The following WDR1 variants were observed in gnomAD, a reference collection of about 807,000 sequenced individuals.
WDR1 encodes the protein WD repeat-containing protein 1.
A neutral mutation model predicts 71.9 loss-of-function variants in WDR1; 21 were observed. The observed-to-expected ratio is 0.29, with a 90% CI of 0.21 to 0.42. The LOEUF (loss-of-function observed/expected upper bound fraction) is 0.42. Among genes scored for constraint, WDR1 ranks in the 10% least tolerant of loss-of-function variants. The pLI, the probability that WDR1 is intolerant of heterozygous loss-of-function variation, is 1.00. For missense variants in WDR1, 696 were observed against 824.5 expected (o/e 0.84, Z 1.91); for synonymous variants, 424 against 347.4 (o/e 1.22, Z -2.45).
intron 5 of WDR1, chr4:10,092,734 A>G: frequency 3.8e-6 from 1 of 264,640 alleles, no homozygotes; most frequent in Non-Finnish European, 7.7e-6. Flanking sequence ...GGCTAAAAAT[A>G]GCCCTTTCCA....
At chr4:10,109,813 A>T (rs1466881921) in intron 2 of WDR1, among the ~76,000 whole-genome samples, 1 of 152,236 alleles carries the variant, frequency 6.6e-6, no homozygotes, top group Non-Finnish European at 1.5e-5. Context: ...CCAGAGGTTC[A>T]GCATCCTCAC....
At chr4:10,103,840 C>T (rs1712853611) in intron 3 of WDR1, 56 bp downstream of exon 3, 1 of 1,482,524 alleles carries the variant, frequency 6.7e-7, no homozygotes, top group African/African-American at 1.4e-5. Flanking sequence ...CGCCCTGGGC[C>T]CTGAGCGCCA....
chr4:10,104,050 A>G (rs1024003338), intron 2 of WDR1, 64 bp from the exon 3 acceptor site: 1 of 1,483,860 alleles, frequency 6.7e-7, no homozygotes, highest in African/African-American at 1.4e-5. Flanking sequence ...CCAGCTCTCC[A>G]CATCAACAGA....
At chr4:10,087,584 G>A in intron 8 of WDR1, 123 bp downstream of exon 8, 1 of 921,418 alleles carries the variant, frequency 1.1e-6, no homozygotes, top group Middle Eastern at 3.5e-4. Context: ...CAAGGGCCAA[G>A]GAGGCCTGAG....
Position 10,097,805 on chromosome 4 carries a change from T to C in WDR1, c.464A>G (p.Lys155Arg), listed in dbSNP as rs772249090. 1.9e-6 allele frequency: 3 copies of C among 1,613,726 alleles called. No homozygotes were observed. Among genetic ancestry groups the C allele is most frequent in the Non-Finnish European group, 1.7e-6 (2 of 1,179,850 alleles). The change falls in exon 5 of 15, where the codon AAG becomes AGG. Residue 155 changes from lysine to arginine, a missense_variant. By Grantham distance (26) the Lys-to-Arg change is conservative (BLOSUM62 2). Transcript: ENST00000499869. ...HNKVINSVDI[K>R]QSRPYRLATG... ...GGCCAGCCGGTATGGCCGGCTCTGC[T>C]TGATGTCCACGCTGTTGATGACTTT...
At chr4:10,095,757 AG>A (rs1319833774) in intron 5 of WDR1, among the ~76,000 whole-genome samples, 1 of 152,178 alleles carries the variant, frequency 6.6e-6, no homozygotes, top group East Asian at 1.9e-4. Flanking sequence ...CCTGTGGCTG[AG>A]GGTGCAGCAC....
intron 8 of WDR1, among the ~76,000 whole-genome samples, 169 bp from the exon 9 acceptor site, chr4:10,084,699 G>A (rs780528742): frequency 3.9e-4 from 60 of 152,136 alleles, no homozygotes; most frequent in South Asian, 2.1e-4. Flanking sequence ...CGAATGCACG[G>A]CCCACGAGCC....
intron 2 of WDR1, chr4:10,106,417 G>A (rs1713018602): frequency 6.6e-6 from 1 of 152,328 alleles, no homozygotes; most frequent in South Asian, 2.1e-4. Context: ...ACCCTGTTCG[G>A]TGTACACTCA....
intron 5 of WDR1, 140 bp from the exon 6 acceptor site, chr4:10,088,881 A>T (rs1711778381): frequency 1.4e-6 from 1 of 710,530 alleles, no homozygotes; most frequent in Admixed American, 2.2e-5. Context: ...TTCAGAGCTT[A>T]AAAAAACATC....
chr4:10,085,902 A>G (rs1711520534), intron 8 of WDR1, among the ~76,000 whole-genome samples: 1 of 152,138 alleles, frequency 6.6e-6, no homozygotes, highest in South Asian at 2.1e-4. Context: ...GGTTTTGACA[A>G]CTGGCCCTTG....
intron 6 of WDR1, 22 bp from the exon 7 acceptor site, chr4:10,088,395 T>A: frequency 6.5e-7 from 1 of 1,549,706 alleles, no homozygotes; most frequent in Non-Finnish European, 8.7e-7. Flanking sequence ...TAAAAACATG[T>A]GGGTCATGTG....
Position 10,097,874 on chromosome 4 carries a change from A to G in WDR1, c.395T>C (p.Leu132Pro). The change falls in exon 5 of 15, where the codon CTC (leucine) becomes CCC (proline). Residue 132 changes from leucine to proline, a missense_variant. Leu to Pro is a moderately conservative substitution (Grantham distance 98). Transcript: ENST00000499869. The stretch of plus-strand genomic sequence containing the variant: ...GCCCACAGAAGAGCCACTATCCCAG[A>G]GGAAGACTGCTCCAAACCTTGACCC... ...EGREKFGAVF[L>P]WDSGSSVGEI... 6.2e-7 allele frequency: 1 copy of G among 1,604,710 alleles called. No individual in the cohort carries two copies. Among genetic ancestry groups the G allele is most frequent in the Non-Finnish European group, 8.5e-7 (1 of 1,174,738 alleles).
intron 2 of WDR1, 152 bp downstream of exon 2, chr4:10,115,961 G>A (rs1291655667): frequency 9.6e-7 from 1 of 1,043,164 alleles, no homozygotes; most frequent in Admixed American, 2.9e-5. Flanking sequence ...CCGGCTTCCG[G>A]GGCTCCGAGG....
In WDR1 at chr4:10,112,266, C is replaced by G. The variant is rs192119651; in HGVS notation, c.138+3847G>C. 3.4e-3 allele frequency among the ~76,000 whole-genome samples: 521 copies of G among 152,114 alleles called. 2 individuals carry two copies. The highest frequency in any genetic ancestry group is 0.014 in the Middle Eastern group (4 of 294). ...CAGGGTAAGGAAACTTAGAAGGAAC[C>G]ACCCCAGACCTAAGGAGGTACCAGC... On this transcript the variant is annotated intron_variant, in intron 2 of 14. Transcript: ENST00000499869.
At chr4:10,113,893 G>A (rs1032083010) in intron 2 of WDR1, among the ~76,000 whole-genome samples, 1 of 152,336 alleles carries the variant, frequency 6.6e-6, no homozygotes, top group Non-Finnish European at 1.5e-5. Flanking sequence ...CACAAATTTG[G>A]CTTGGAGTAT....
rs1339737252 is a variant in WDR1 at position 10,075,342 on chromosome 4, C to T, written c.*36G>A. The T allele has an allele frequency of 6.3e-7, 1 of 1,592,334 alleles. No individual in the cohort carries two copies. Among genetic ancestry groups the T allele is most frequent in the Non-Finnish European group, 8.6e-7 (1 of 1,160,952 alleles). ...TTCCGCTGCAGTTAAACTCTAGTCC[C>T]TGATTCGGTCCATCCAGAGGCGGGG... is the stretch of plus-strand genomic sequence containing the variant. On this transcript the variant is annotated 3_prime_UTR_variant, in exon 15 of 15. Transcript: ENST00000499869.
At chr4:10,116,612 C>G (rs892831251) in intron 1 of WDR1, 39 bp downstream of exon 1, 8 of 1,200,194 alleles carry the variant, frequency 6.7e-6, no homozygotes, top group Admixed American at 4.4e-5. Flanking sequence ...GCCGGGGCAG[C>G]GCGGCGGCCG....
intron 5 of WDR1, chr4:10,094,821 G>C (rs562716659): frequency 2.9e-4 from 44 of 152,358 alleles, no homozygotes; most frequent in African/African-American, 1.1e-3. Flanking sequence ...TCAGGACGAG[G>C]GGCACACAGG....
At chr4:10,103,289 G>GACACACACAC (rs5856034) in intron 3 of WDR1, among the ~76,000 whole-genome samples, 1 of 146,914 alleles carries the variant, frequency 6.8e-6, no homozygotes, top group African/African-American at 2.5e-5. Flanking sequence ...CACACACACA[G>GACACACACAC]ACACACACAC....
Sources: gnomAD v4.1 joint callset for allele counts (sites outside exome capture counted in the v4.1 genomes callset) on GRCh38, gnomAD v4.1.1 for gene constraint, MANE v1.5 for transcripts, NCBI Gene and HGNC (gene_info 2026-07-23, HGNC 2026-07-21) for gene names.